The following PTPRZ1 variants were observed in gnomAD, a reference collection of about 807,000 sequenced individuals.
PTPRZ1 encodes the protein protein tyrosine phosphatase receptor type Z1, also known as receptor-type tyrosine-protein phosphatase zeta.
Under a neutral mutation model 214.1 loss-of-function variants are expected in PTPRZ1, and 82 were observed. The ratio of observed to expected loss-of-function variants is 0.38; its 90% CI spans 0.32 to 0.46. The LOEUF (loss-of-function observed/expected upper bound fraction) is 0.46, where lower values mean the gene tolerates loss of function less well. Among genes scored for constraint, PTPRZ1 ranks in the 20% least tolerant of loss-of-function variants. The probability of loss-of-function intolerance (pLI) is 1.00; values close to 1 mark genes in which losing one functional copy is unlikely to be tolerated. For missense variants in PTPRZ1, 2,603 were observed against 2,748.7 expected (o/e 0.95, Z 1.19); for synonymous variants, 945 against 987.9 (o/e 0.96, Z 0.81).
intron 2 of PTPRZ1, among the ~76,000 whole-genome samples, chr7:121,942,891 C>A (rs1450390144): frequency 1.3e-5 from 2 of 152,114 alleles, no homozygotes; most frequent in African/African-American, 4.8e-5. Flanking sequence ...CAGCTGTTGG[C>A]CAGATAAATA....
chr7:121,979,070 T>TA (rs5887064), intron 6 of PTPRZ1, among the ~76,000 whole-genome samples: 8 of 149,852 alleles, frequency 5.3e-5, no homozygotes, highest in South Asian at 2.1e-4. Context: ...TGTAAGTTAT[T>TA]AAAAAAAAAA....
chr7:121,908,246 A>G (rs1429541202), intron 1 of PTPRZ1, among the ~76,000 whole-genome samples: 1 of 152,108 alleles, frequency 6.6e-6, no homozygotes, highest in East Asian at 1.9e-4. Flanking sequence ...TTATATGGTC[A>G]GGTTATACAA....
At chr7:121,980,577 T>C (rs1178387515) in intron 6 of PTPRZ1, among the ~76,000 whole-genome samples, 1 of 152,192 alleles carries the variant, frequency 6.6e-6, no homozygotes, top group East Asian at 1.9e-4. Flanking sequence ...GACGTGACTA[T>C]CAATTCAGTT....
rs1216877553 is a variant in PTPRZ1, at chr7:122,010,993, G to A, written c.1947G>A (p.Glu649=). 6.2e-7 allele frequency: 1 copy of A among 1,614,138 alleles called. No homozygotes were observed. The highest frequency in any genetic ancestry group is 1.7e-5 in the Admixed American group (1 of 60,008). The change falls in exon 12 of 30, where the codon GAG becomes GAA. Residue 649 remains glutamate, a synonymous_variant. Coordinates refer to ENST00000393386, the MANE Select transcript of PTPRZ1 (RefSeq NM_002851.3). ...SEESLKDPSM[E]GNVWFPSSTD... ...AATCACTAAAGGATCCTTCTATGGAGGGAAATGTGTGGTTTCCTAGCTCTA... is the reference window on the plus strand; with the variant it reads ...AATCACTAAAGGATCCTTCTATGGAAGGAAATGTGTGGTTTCCTAGCTCTA...
intron 25 of PTPRZ1, 132 bp downstream of exon 25, chr7:122,052,071 A>T: frequency 3.2e-6 from 2 of 632,232 alleles, no homozygotes; most frequent in Non-Finnish European, 5.3e-6. Flanking sequence ...TGTTGACTGC[A>T]AGCCCACAGT....
rs779843689 is a variant in PTPRZ1, at chr7:122,010,583, G to GA, written c.1542dup (p.Asp515ArgfsTer11). On this transcript the variant is annotated frameshift_variant, in exon 12 of 30. Coordinates refer to ENST00000393386, the MANE Select transcript of PTPRZ1 (RefSeq NM_002851.3). LOFTEE classifies it high-confidence loss of function. Reference sequence around the variant, plus strand: ...CCAACCAGTCACTAAATTAGCCACAGAAAAAGATATTTCCTTGACTTCTCA... The same window carrying GA: ...CCAACCAGTCACTAAATTAGCCACAGAAAAAAGATATTTCCTTGACTTCTCA... The GA allele has an allele frequency of 6.2e-7, 1 of 1,613,620 alleles. No individual in the cohort carries two copies. Among genetic ancestry groups the GA allele is most frequent in the South Asian group, 1.1e-5 (1 of 91,070 alleles).
intron 2 of PTPRZ1, among the ~76,000 whole-genome samples, chr7:121,959,701 A>G (rs1584683939): frequency 6.6e-6 from 1 of 152,082 alleles, no homozygotes; most frequent in East Asian, 1.9e-4. Flanking sequence ...TCATCTTTCC[A>G]TTTTGCTGGA....
chr7:121,969,294 G>T (rs1322394272), intron 3 of PTPRZ1, among the ~76,000 whole-genome samples: 2 of 152,062 alleles, frequency 1.3e-5, no homozygotes, highest in Admixed American at 6.6e-5. Context: ...GGGCGCAGTG[G>T]CTCACGCCTG....
At chr7:121,993,951 T>C (rs1242072949) in intron 8 of PTPRZ1, among the ~76,000 whole-genome samples, 1 of 152,180 alleles carries the variant, frequency 6.6e-6, no homozygotes, top group Non-Finnish European at 1.5e-5. Flanking sequence ...TAAACACAGG[T>C]ATTTAAAAAG....
chr7:121,926,442 C>T (rs1795766653), intron 1 of PTPRZ1, among the ~76,000 whole-genome samples: 1 of 152,100 alleles, frequency 6.6e-6, no homozygotes. Flanking sequence ...TCCTGGTCAC[C>T]ATATGATAGA....
At chr7:121,884,696 A>G (rs1794346685) in intron 1 of PTPRZ1, among the ~76,000 whole-genome samples, 1 of 152,186 alleles carries the variant, frequency 6.6e-6, no homozygotes, top group Non-Finnish European at 1.5e-5. Flanking sequence ...CTTTTTTAAT[A>G]AATTCTTTTT....
intron 1 of PTPRZ1, among the ~76,000 whole-genome samples, chr7:121,889,083 A>G (rs945753850): frequency 2.6e-5 from 4 of 151,878 alleles, no homozygotes; most frequent in Non-Finnish European, 4.4e-5. Context: ...ATTTTTAAGA[A>G]TGAATACTTT....
At chr7:121,885,295 C>A (rs887766902) in intron 1 of PTPRZ1, among the ~76,000 whole-genome samples, 1 of 152,100 alleles carries the variant, frequency 6.6e-6, no homozygotes, top group Non-Finnish European at 1.5e-5. Context: ...TGCTATTTTG[C>A]GACAAAGGTA....
intron 2 of PTPRZ1, among the ~76,000 whole-genome samples, chr7:121,949,383 C>T (rs1397823480): frequency 6.6e-6 from 1 of 151,960 alleles, no homozygotes; most frequent in Non-Finnish European, 1.5e-5. Context: ...TTCACATTTC[C>T]CAAAGAAAGT....
intron 23 of PTPRZ1, among the ~76,000 whole-genome samples, chr7:122,046,230 A>G (rs1252583948): frequency 6.6e-6 from 1 of 152,106 alleles, no homozygotes; most frequent in Non-Finnish European, 1.5e-5. Flanking sequence ...AGCTTGGGCA[A>G]CAGAGCAAGA....
Position 122,051,859 on chromosome 7 carries a change from G to C in PTPRZ1, c.6179-7G>C. On this transcript the variant is annotated splice_polypyrimidine_tract_variant and splice_region_variant and intron_variant, in intron 24 of 29. Coordinates refer to ENST00000393386, the MANE Select transcript of PTPRZ1 (RefSeq NM_002851.3). ...TTTTGTTTTACAATGAATGTTCTGT[G>C]TTCCAGTGGAAAGATCAAGGGTTGG... The C allele has an allele frequency of 6.2e-7, 1 of 1,611,642 alleles. No homozygotes were observed. The highest frequency in any genetic ancestry group is 8.5e-7 in the Non-Finnish European group (1 of 1,178,604).
intron 1 of PTPRZ1, among the ~76,000 whole-genome samples, chr7:121,894,657 G>T (rs983261459): frequency 6.6e-6 from 1 of 152,074 alleles, no homozygotes; most frequent in African/African-American, 2.4e-5. Flanking sequence ...CTGCCCACTT[G>T]GGCCTCCCAA....
chr7:121,960,426 A>G (rs1796839659), intron 2 of PTPRZ1, among the ~76,000 whole-genome samples: 1 of 152,188 alleles, frequency 6.6e-6, no homozygotes, highest in African/African-American at 2.4e-5. Flanking sequence ...TTTTCTTAAC[A>G]ATATCTTGAT....
chr7:122,013,529 C>T lies in PTPRZ1; in HGVS notation c.4483C>T (p.Gln1495Ter). The change falls in exon 12 of 30, where the codon CAA (glutamine) becomes TAA (stop). Residue 1495 changes from glutamine (Q) to a stop codon, truncating the protein, a stop_gained. Transcript: ENST00000393386. LOFTEE classifies it high-confidence loss of function. ...NRVTSVSSDS[Q>*]TGMDRSPGKS... ...AGTCACAAGTGTATCCTCAGACAGT[C>T]AAACTGGTATGGACAGAAGTCCTGG... The T allele has an allele frequency of 6.2e-7, 1 of 1,614,118 alleles. No individual in the cohort carries two copies. Among genetic ancestry groups the T allele is most frequent in the East Asian group, 2.2e-5 (1 of 44,878 alleles).
Sources: gnomAD v4.1 joint callset for allele counts (sites outside exome capture counted in the v4.1 genomes callset) on GRCh38, gnomAD v4.1.1 for gene constraint, MANE v1.5 for transcripts, NCBI Gene and HGNC (gene_info 2026-07-23, HGNC 2026-07-21) for gene names.